The following IL1RAPL1 variants were observed in gnomAD, a reference collection of about 807,000 sequenced individuals.
The protein encoded by IL1RAPL1 is interleukin 1 receptor accessory protein like 1.
IL1RAPL1 carries 3 observed loss-of-function variants against 48.4 expected under a neutral mutation model. The observed-to-expected ratio is 0.06, with a 90% CI of 0.03 to 0.16. IL1RAPL1 has a LOEUF of 0.16. Among genes scored for constraint, IL1RAPL1 ranks in the 10% least tolerant of loss-of-function variants. The pLI is 1.00. For synonymous variants in IL1RAPL1, 185 were observed against 187.7 expected, an observed-to-expected ratio of 0.99 and a Z score of 0.12; for missense variants, 349 against 530.6, an observed-to-expected ratio of 0.66 and a Z score of 3.36.
At chrX:29,735,968 C>T (rs1407136803) in intron 6 of IL1RAPL1, among the ~76,000 whole-genome samples, 1 of 112,278 alleles carries the variant, frequency 8.9e-6, no homozygotes, top group Non-Finnish European at 1.9e-5. Context: ...ACAGAATAGA[C>T]TTGGTTCTGG....
chrX:29,285,004 T>C (rs1932259590), intron 3 of IL1RAPL1, among the ~76,000 whole-genome samples: 1 of 111,798 alleles, frequency 8.9e-6, no homozygotes, highest in Admixed American at 9.5e-5. Context: ...TTCTGATTGT[T>C]CATGCATGTC....
chrX:28,768,710 T>C (rs1409393583), intron 1 of IL1RAPL1, among the ~76,000 whole-genome samples: 3 of 68,630 alleles, frequency 4.4e-5, no homozygotes, highest in Non-Finnish European at 7.9e-5. Flanking sequence ...TGTTTCTCTC[T>C]CTCTCTCTCT....
At chrX:29,427,002 A>ATTT (rs1934358062) in intron 5 of IL1RAPL1, among the ~76,000 whole-genome samples, 2 of 107,237 alleles carry the variant, frequency 1.9e-5, no homozygotes, top group African/African-American at 6.9e-5. Context: ...CCTTTTTAAA[A>ATTT]AAAAAAAAAA....
At chrX:29,372,773 C>CTTTTTTTTTTTTTTTTTTTTTTTT (rs1160543169) in intron 3 of IL1RAPL1, among the ~76,000 whole-genome samples, 1 of 63,487 alleles carries the variant, frequency 1.6e-5, no homozygotes, top group African/African-American at 6.3e-5. Context: ...GTCTATGTGT[C>CTTTTTTTTTTTTTTTTTTTTTTTT]TTTTTTTTTT....
chrX:29,218,226 G>A (rs1454039074), intron 2 of IL1RAPL1, among the ~76,000 whole-genome samples: 1 of 111,677 alleles, frequency 9.0e-6, no homozygotes. Flanking sequence ...ATATCAACCT[G>A]GACACATCCG....
In IL1RAPL1 at chrX:29,552,851, A is replaced by T. The variant is rs748840349; in HGVS notation, c.704-115579A>T. ...TTGCATTTCAGTTTGGCAAGTTTCT[A>T]TTGATTAAGTGTCAATAGACTTTTC... On this transcript the variant is annotated intron_variant, in intron 5 of 10. Transcript: ENST00000378993. 9.0e-4 allele frequency among the ~76,000 whole-genome samples: 12 copies of T among 13,347 alleles called. No individual in the cohort carries two copies. In the East Asian group the frequency reaches 0.014, roughly 16 times the overall value. 11.6% of individuals were successfully genotyped at this position (13,347 alleles called of 115,157 possible).
chrX:29,244,385 C>T (rs1329046379), intron 2 of IL1RAPL1, among the ~76,000 whole-genome samples: 2 of 112,206 alleles, frequency 1.8e-5, no homozygotes, highest in Admixed American at 9.5e-5. Flanking sequence ...AAAAGGTATT[C>T]GTTCTTGGCA....
Position 29,463,633 on chromosome X carries a change from T to C in IL1RAPL1, c.703+64325T>C, listed in dbSNP as rs761123080. ...AATTTAATGGAATGTGTTAGAAGGC[T>C]TAAGTGAGATATTAAAATTAATTGA... On this transcript the variant is annotated intron_variant, in intron 5 of 10. Transcript: ENST00000378993. Among the ~76,000 whole-genome samples the C allele has an allele frequency of 2.7e-5, 3 of 112,098 alleles. No individual in the cohort carries two copies. The Admixed American group carries it at 2.8e-4, about 11-fold the overall frequency.
chrX:28,962,045 G>A (rs1222787363), intron 2 of IL1RAPL1, among the ~76,000 whole-genome samples: 1 of 111,651 alleles, frequency 9.0e-6, no homozygotes, highest in African/African-American at 3.3e-5. Context: ...CATCATTTTA[G>A]CCCTTAAGAC....
At chrX:28,782,993 T>C (rs1405573885) in intron 1 of IL1RAPL1, among the ~76,000 whole-genome samples, 1 of 111,579 alleles carries the variant, frequency 9.0e-6, no homozygotes, top group Non-Finnish European at 1.9e-5. Flanking sequence ...GTTTTGACAG[T>C]CTGTTCTTTA....
chrX:29,238,525 C>A (rs188745816), intron 2 of IL1RAPL1, among the ~76,000 whole-genome samples: 1 of 111,159 alleles, frequency 9.0e-6, no homozygotes, highest in Non-Finnish European at 1.9e-5. Flanking sequence ...ATCTCATATG[C>A]CATTTCTAAT....
Position 29,010,878 on chromosome X carries a change from G to A in IL1RAPL1, c.82+221453G>A, listed in dbSNP as rs190389502. On this transcript the variant is annotated intron_variant, in intron 2 of 10. Coordinates refer to ENST00000378993, the MANE Select transcript of IL1RAPL1 (RefSeq NM_014271.4). ...TTCAGTTTTAGAACCTACTTACATA[G>A]GGTTGTTGTAGGTACTTCTATGATA... 1.5e-3 allele frequency among the ~76,000 whole-genome samples: 166 copies of A among 111,329 alleles called. 1 individual carries two copies. Among genetic ancestry groups the A allele is most frequent in the African/African-American group, 5.3e-3 (162 of 30,659 alleles).
intron 1 of IL1RAPL1, among the ~76,000 whole-genome samples, chrX:28,631,511 A>G (rs1215338151): frequency 2.7e-5 from 3 of 112,563 alleles, no homozygotes; most frequent in Non-Finnish European, 5.6e-5. Context: ...AACACAATCC[A>G]AAATAGTGGT....
intron 6 of IL1RAPL1, among the ~76,000 whole-genome samples, chrX:29,799,937 A>G (rs1929833934): frequency 8.9e-6 from 1 of 111,993 alleles, no homozygotes; most frequent in Admixed American, 9.5e-5. Context: ...TTCATTTCCT[A>G]TCGGAGTTGG....
chrX:28,933,846 C>T (rs190907323), intron 2 of IL1RAPL1, among the ~76,000 whole-genome samples: 2 of 111,602 alleles, frequency 1.8e-5, no homozygotes, highest in African/African-American at 6.5e-5. Context: ...GGGATCCTCC[C>T]CCTTTTAAAC....
In IL1RAPL1 at chrX:29,202,522, G is replaced by A. The variant is rs750534362; in HGVS notation, c.83-80416G>A. 7.1e-4 allele frequency among the ~76,000 whole-genome samples: 79 copies of A among 111,681 alleles called. 1 individual carries two copies. The highest frequency in any genetic ancestry group is 3.8e-4 in the Admixed American group (4 of 10,486). On this transcript the variant is annotated intron_variant, in intron 2 of 10. Coordinates refer to ENST00000378993, the MANE Select transcript of IL1RAPL1 (RefSeq NM_014271.4). ...CCCATTACTGAGTATATACCCAGAG[G>A]AATATAAATCATTCTATCATAAAGA...
At chrX:29,489,018 C>G (rs1196310095) in intron 5 of IL1RAPL1, among the ~76,000 whole-genome samples, 2 of 111,214 alleles carry the variant, frequency 1.8e-5, no homozygotes, top group Non-Finnish European at 3.8e-5. Flanking sequence ...TTTTCTGACT[C>G]TAGGTGGTCA....
intron 2 of IL1RAPL1, among the ~76,000 whole-genome samples, chrX:29,144,487 C>T (rs887410942): frequency 2.9e-5 from 3 of 103,987 alleles, no homozygotes; most frequent in African/African-American, 1.1e-4. Context: ...CCTGTAATCC[C>T]AGCTACTTGG....
chrX:28,793,089 T>C (rs1936572260), intron 2 of IL1RAPL1, among the ~76,000 whole-genome samples: 1 of 107,062 alleles, frequency 9.3e-6, no homozygotes. Context: ...CCTGGGACAA[T>C]TTCATACCTA....
Sources: allele counts gnomAD v4.1 joint callset (sites outside exome capture counted in the v4.1 genomes callset), GRCh38; gene constraint gnomAD v4.1.1; transcripts MANE v1.5; gene names NCBI Gene and HGNC (gene_info 2026-07-23, HGNC 2026-07-21).